SPOCK1: variants seen among roughly 807,000 people sequenced by gnomAD.
SPOCK1 encodes the protein SPARC (osteonectin), cwcv and kazal like domains proteoglycan 1, also known as testican-1.
SPOCK1 carries 23 observed loss-of-function variants against 55.3 expected under a neutral mutation model. The observed-to-expected ratio is 0.42, with a 90% confidence interval of 0.30 to 0.59. SPOCK1 has a LOEUF of 0.59. Ranked by LOEUF, SPOCK1 falls within the 20% of genes least tolerant of loss-of-function variation. The pLI, the probability that SPOCK1 is intolerant of heterozygous loss-of-function variation, is 0.22. For missense variants in SPOCK1, 499 were observed against 552.5 expected (o/e 0.90, Z 0.97); for synonymous variants, 226 against 221.0 (o/e 1.02, Z -0.20).
chr5:137,280,933 A>G (rs1343037974), intron 2 of SPOCK1, among the ~76,000 whole-genome samples: 1 of 152,198 alleles, frequency 6.6e-6, no homozygotes, highest in Non-Finnish European at 1.5e-5. Flanking sequence ...GGAAGCCTCA[A>G]CCATCCTTAC....
chr5:137,268,330 A>G (rs1756896094), intron 2 of SPOCK1, among the ~76,000 whole-genome samples: 1 of 152,114 alleles, frequency 6.6e-6, no homozygotes, highest in Non-Finnish European at 1.5e-5. Flanking sequence ...ATTCAGCACT[A>G]AATTATTTTT....
At chr5:137,397,906 C>T (rs1051031321) in intron 2 of SPOCK1, among the ~76,000 whole-genome samples, 1 of 152,186 alleles carries the variant, frequency 6.6e-6, no homozygotes, top group East Asian at 1.9e-4. Context: ...TCAGCATATA[C>T]TTGATGCTTA....
At chr5:137,124,567 A>G (rs1484059237) in intron 4 of SPOCK1, among the ~76,000 whole-genome samples, 1 of 152,220 alleles carries the variant, frequency 6.6e-6, no homozygotes, top group East Asian at 1.9e-4. Context: ...CAGGCATGGA[A>G]GAGCCTCAGG....
chr5:137,437,621 A>G (rs1752892356), intron 2 of SPOCK1, among the ~76,000 whole-genome samples: 1 of 152,246 alleles, frequency 6.6e-6, no homozygotes, highest in East Asian at 1.9e-4. Flanking sequence ...TGTATAATAA[A>G]TGTACAAAGC....
chr5:137,375,139 G>C (rs1751285434), intron 2 of SPOCK1, among the ~76,000 whole-genome samples: 1 of 150,468 alleles, frequency 6.6e-6, no homozygotes, highest in Non-Finnish European at 1.5e-5. Context: ...GATGGTTTTT[G>C]ATAAGCCAAG....
intron 3 of SPOCK1, among the ~76,000 whole-genome samples, chr5:137,161,557 G>A (rs1396074450): frequency 6.6e-6 from 1 of 152,028 alleles, no homozygotes; most frequent in African/African-American, 2.4e-5. Context: ...TATATTTTGT[G>A]TCATGCTTCC....
chr5:137,250,963 T>C (rs547543276), intron 3 of SPOCK1, among the ~76,000 whole-genome samples: 1 of 152,284 alleles, frequency 6.6e-6, no homozygotes, highest in African/African-American at 2.4e-5. Flanking sequence ...GCTGATGGCA[T>C]AGCAACACCA....
intron 2 of SPOCK1, among the ~76,000 whole-genome samples, chr5:137,389,608 C>T (rs1201809064): frequency 6.6e-6 from 1 of 152,182 alleles, no homozygotes; most frequent in Non-Finnish European, 1.5e-5. Flanking sequence ...CAGGTCTGTC[C>T]TCAGCACAGT....
At chr5:137,109,810 C>T (rs909241122) in intron 5 of SPOCK1, among the ~76,000 whole-genome samples, 4 of 152,152 alleles carry the variant, frequency 2.6e-5, no homozygotes, top group South Asian at 4.2e-4. Context: ...GACACCTTCC[C>T]GGATCACCAT....
chr5:137,099,142 C>T (rs905687251), intron 5 of SPOCK1, among the ~76,000 whole-genome samples: 2 of 152,168 alleles, frequency 1.3e-5, no homozygotes, highest in Admixed American at 1.3e-4. Context: ...AAAGTGTCAC[C>T]TCCATTTTCT....
At chr5:137,294,248 T>C (rs1190225427) in intron 2 of SPOCK1, among the ~76,000 whole-genome samples, 1 of 152,202 alleles carries the variant, frequency 6.6e-6, no homozygotes, top group Non-Finnish European at 1.5e-5. Context: ...TTAGCTGTAC[T>C]AGATCATATT....
At chr5:137,066,651 T>A (rs1752509417) in intron 6 of SPOCK1, among the ~76,000 whole-genome samples, 1 of 152,202 alleles carries the variant, frequency 6.6e-6, no homozygotes, top group Non-Finnish European at 1.5e-5. Flanking sequence ...TTACTGCATT[T>A]ATAACTAAAT....
intron 6 of SPOCK1, among the ~76,000 whole-genome samples, chr5:137,014,541 G>T (rs1751414256): frequency 6.6e-6 from 1 of 152,088 alleles, no homozygotes. Context: ...AGTGCCCTTA[G>T]ACATAATTTA....
intron 2 of SPOCK1, among the ~76,000 whole-genome samples, chr5:137,395,494 G>A (rs908471083): frequency 1.3e-5 from 2 of 152,154 alleles, no homozygotes; most frequent in African/African-American, 4.8e-5. Context: ...CATTTTATCA[G>A]GCCTGTGAAT....
Position 137,162,095 on chromosome 5 carries a change from T to C in SPOCK1, c.233-21401A>G, listed in dbSNP as rs149123735. 9.4e-3 allele frequency among the ~76,000 whole-genome samples: 1,435 copies of C among 152,096 alleles called. 23 individuals carry two copies. Among genetic ancestry groups the C allele is most frequent in the East Asian group, 0.052 (266 of 5,164 alleles). Reference sequence around the variant, plus strand: ...AGGGGTAAAAGATGCCCCTTATCAATGTACCATTCCCATTTGTTCTAGTCT... The same window carrying C: ...AGGGGTAAAAGATGCCCCTTATCAACGTACCATTCCCATTTGTTCTAGTCT... On this transcript the variant is annotated intron_variant, in intron 3 of 10. Coordinates refer to ENST00000394945, the MANE Select transcript of SPOCK1 (RefSeq NM_004598.4).
At chr5:137,039,290 T>G (rs1053190866) in intron 6 of SPOCK1, among the ~76,000 whole-genome samples, 33 of 142,912 alleles carry the variant, frequency 2.3e-4, no homozygotes, top group Admixed American at 8.4e-4. Flanking sequence ...TTTTTTTTTT[T>G]TTTTTTTTGT....
At chr5:137,241,052 C>G (rs35362811) in intron 3 of SPOCK1, among the ~76,000 whole-genome samples, 11 of 152,132 alleles carry the variant, frequency 7.2e-5, no homozygotes, top group African/African-American at 1.9e-4. Flanking sequence ...CATCACGTAC[C>G]AAAATAAATT....
intron 2 of SPOCK1, among the ~76,000 whole-genome samples, chr5:137,495,006 C>T (rs1366990029): frequency 1.3e-5 from 2 of 152,210 alleles, no homozygotes; most frequent in Non-Finnish European, 2.9e-5. Context: ...GCTTCTTCAT[C>T]GCCTCCTTAA....
intron 2 of SPOCK1, among the ~76,000 whole-genome samples, chr5:137,327,000 A>T (rs1205779023): frequency 9.3e-6 from 1 of 107,608 alleles, no homozygotes; most frequent in Non-Finnish European, 2.3e-5. Flanking sequence ...AAATTCTAAA[A>T]CAAACAAACA....
Sources: allele counts gnomAD v4.1 joint callset (sites outside exome capture counted in the v4.1 genomes callset), GRCh38; gene constraint gnomAD v4.1.1; transcripts MANE v1.5; gene names NCBI Gene and HGNC (gene_info 2026-07-23, HGNC 2026-07-21).